DLGAP1: variants seen among roughly 807,000 people sequenced by gnomAD.
DLGAP1 encodes disks large-associated protein 1.
Under a neutral mutation model 90.8 loss-of-function variants are expected in DLGAP1, and 11 were observed. The ratio of observed to expected loss-of-function variants is 0.12; its 90% confidence interval spans 0.08 to 0.20. The LOEUF (loss-of-function observed/expected upper bound fraction) is 0.20. Ranked by LOEUF, DLGAP1 falls within the 10% of genes least tolerant of loss-of-function variation. DLGAP1 has a pLI of 1.00. For synonymous variants in DLGAP1, 558 were observed against 540.7 expected (o/e 1.03, Z -0.44); for missense variants, 1,050 against 1,333.8 (o/e 0.79, Z 3.31).
chr18:4,043,054 C>T (rs184480230), intron 2 of DLGAP1, among the ~76,000 whole-genome samples: 2 of 152,234 alleles, frequency 1.3e-5, no homozygotes, highest in East Asian at 1.9e-4. Context: ...TGTCCTCAGA[C>T]GTAATTTAGG....
At chr18:4,396,846 C>T (rs141031918) in intron 1 of DLGAP1, among the ~76,000 whole-genome samples, 6 of 152,274 alleles carry the variant, frequency 3.9e-5, no homozygotes, top group East Asian at 1.9e-4. Flanking sequence ...GTTTTGCTGA[C>T]GGTTTCCCAA....
chr18:3,720,502 C>T (rs12957209), intron 7 of DLGAP1, among the ~76,000 whole-genome samples: 1 of 152,056 alleles, frequency 6.6e-6, no homozygotes. Flanking sequence ...GAAAGTTTTG[C>T]CCTGAAAACT....
intron 1 of DLGAP1, among the ~76,000 whole-genome samples, chr18:4,198,986 T>G (rs1365267633): frequency 6.6e-6 from 1 of 152,246 alleles, no homozygotes; most frequent in Non-Finnish European, 1.5e-5. Flanking sequence ...GCTGCTCTGC[T>G]GCAAGTGCTC....
chr18:4,388,933 A>G (rs1297908479), intron 1 of DLGAP1, among the ~76,000 whole-genome samples: 2 of 152,126 alleles, frequency 1.3e-5, no homozygotes, highest in Non-Finnish European at 1.5e-5. Context: ...TAGTACAGCC[A>G]CTCTGAAAAA....
At chr18:3,726,711 T>C (rs1305932265) in intron 7 of DLGAP1, among the ~76,000 whole-genome samples, 1 of 152,220 alleles carries the variant, frequency 6.6e-6, no homozygotes, top group African/African-American at 2.4e-5. Context: ...TTAATGATTC[T>C]GGGTGAAGTA....
At chr18:4,033,391 G>A (rs1380012248) in intron 2 of DLGAP1, among the ~76,000 whole-genome samples, 1 of 151,882 alleles carries the variant, frequency 6.6e-6, no homozygotes, top group Non-Finnish European at 1.5e-5. Flanking sequence ...CCATAAAATG[G>A]TTGTACCATA....
intron 10 of DLGAP1, among the ~76,000 whole-genome samples, chr18:3,527,339 A>T (rs1377061878): frequency 6.6e-6 from 1 of 151,404 alleles, no homozygotes; most frequent in Non-Finnish European, 1.5e-5. Context: ...ATAGAGAAAG[A>T]TGATTACAAC....
chr18:3,679,496 A>G (rs747883181), intron 7 of DLGAP1, among the ~76,000 whole-genome samples: 1 of 151,720 alleles, frequency 6.6e-6, no homozygotes, highest in Non-Finnish European at 1.5e-5. Context: ...TGAGCACTTG[A>G]TGATCACCTG....
intron 1 of DLGAP1, among the ~76,000 whole-genome samples, chr18:4,296,619 G>C (rs781313545): frequency 1.3e-5 from 2 of 152,096 alleles, no homozygotes; most frequent in Non-Finnish European, 2.9e-5. Context: ...TTTCAGATTG[G>C]CTGTCTTGAT....
chr18:4,110,657 C>T (rs9961464), intron 2 of DLGAP1, among the ~76,000 whole-genome samples: 77,580 of 151,932 alleles, frequency 0.51, 21,378 homozygotes, highest in African/African-American at 0.73. Flanking sequence ...TGGGTTTGAT[C>T]AGCCCATAAT....
At chr18:4,192,097 G>A (rs916922574) in intron 1 of DLGAP1, among the ~76,000 whole-genome samples, 1 of 152,056 alleles carries the variant, frequency 6.6e-6, no homozygotes, top group Admixed American at 6.6e-5. Flanking sequence ...AATATAGTTG[G>A]TGTGGCACAT....
intron 1 of DLGAP1, among the ~76,000 whole-genome samples, chr18:4,288,286 G>A (rs1006115509): frequency 1.3e-5 from 2 of 152,134 alleles, no homozygotes; most frequent in Admixed American, 6.6e-5. Flanking sequence ...CTAAGGATAT[G>A]GGAGGCATAG....
intron 1 of DLGAP1, among the ~76,000 whole-genome samples, chr18:4,288,477 C>A (rs945478040): frequency 6.6e-6 from 1 of 152,112 alleles, no homozygotes. Flanking sequence ...AAAGCTCTAC[C>A]TGGTTCCATG....
intron 1 of DLGAP1, among the ~76,000 whole-genome samples, chr18:4,435,815 A>G (rs1005510298): frequency 1.3e-5 from 2 of 152,188 alleles, no homozygotes; most frequent in African/African-American, 4.8e-5. Flanking sequence ...ACTGCAAAAC[A>G]TTCAAAGCCA....
chr18:3,753,435 T>C (rs2063583503), intron 5 of DLGAP1, among the ~76,000 whole-genome samples: 1 of 152,224 alleles, frequency 6.6e-6, no homozygotes, highest in Non-Finnish European at 1.5e-5. Flanking sequence ...CAGAACTATT[T>C]GATCTGATTG....
At chr18:4,002,742 C>T (rs1027856098) in intron 3 of DLGAP1, among the ~76,000 whole-genome samples, 8 of 152,100 alleles carry the variant, frequency 5.3e-5, no homozygotes, top group Non-Finnish European at 7.4e-5. Context: ...TTCCCCTAAT[C>T]GCCACATTAT....
At position 4,320,996 on chromosome 18, in the gene DLGAP1, T is replaced by C. The variant is rs114282152; in HGVS notation, c.-267+134010A>G. 6.8e-3 allele frequency among the ~76,000 whole-genome samples: 1,035 copies of C among 152,312 alleles called. 15 individuals are homozygous for C. Among genetic ancestry groups the C allele is most frequent in the African/African-American group, 0.024 (980 of 41,576 alleles). ...ACATTTTTGAGTAAATATCTCTAAGTGCAAATGAAAAATATTTATTAACTT... is the reference window on the plus strand; with the variant it reads ...ACATTTTTGAGTAAATATCTCTAAGCGCAAATGAAAAATATTTATTAACTT... On this transcript the variant is annotated intron_variant, in intron 1 of 12. Coordinates refer to ENST00000315677, the MANE Select transcript of DLGAP1 (RefSeq NM_004746.4).
chr18:3,772,458 C>CTT (rs1568110129), intron 5 of DLGAP1, among the ~76,000 whole-genome samples: 1 of 83,714 alleles, frequency 1.2e-5, no homozygotes, highest in Non-Finnish European at 2.3e-5. Flanking sequence ...CCCCACCCCC[C>CTT]TCTTTCTTTC....
intron 1 of DLGAP1, among the ~76,000 whole-genome samples, chr18:4,261,078 G>A (rs74930682): frequency 0.021 from 3,152 of 152,190 alleles, 37 homozygotes; most frequent in East Asian, 0.042. Flanking sequence ...TAGAATATTC[G>A]GTTCAATGTC....
Sources: gnomAD v4.1 joint callset for allele counts (sites outside exome capture counted in the v4.1 genomes callset) on GRCh38, gnomAD v4.1.1 for gene constraint, MANE v1.5 for transcripts, NCBI Gene and HGNC (gene_info 2026-07-23, HGNC 2026-07-21) for gene names.